PARVA: variants seen among roughly 807,000 people sequenced by gnomAD.
The protein encoded by PARVA is parvin alpha.
Under a neutral mutation model 52.6 loss-of-function variants are expected in PARVA, and 25 were observed. That is an observed-to-expected ratio of 0.48 (90% CI 0.35 to 0.66). The LOEUF (loss-of-function observed/expected upper bound fraction) is 0.66, where lower values mean the gene tolerates loss of function less well. Ranked by LOEUF, PARVA falls within the 30% of genes least tolerant of loss-of-function variation. PARVA has a pLI of 0.01. For synonymous variants in PARVA, 185 were observed against 179.1 expected (o/e 1.03, Z -0.26); for missense variants, 373 against 450.9 (o/e 0.83, Z 1.56).
intron 4 of PARVA, chr11:12,479,221 G>A (rs4536192): frequency 0.54 from 81,768 of 152,016 alleles, 22,911 homozygotes; most frequent in East Asian, 0.79. Flanking sequence ...CACCAGGGGA[G>A]ACCATTATTG....
chr11:12,490,073 G>A (rs139816412), intron 4 of PARVA, among the ~76,000 whole-genome samples: 3,595 of 152,098 alleles, frequency 0.024, 157 homozygotes, highest in African/African-American at 0.082. Flanking sequence ...AAAATTAGCC[G>A]GGTGTGGTGG....
At chr11:12,379,796 C>T (rs1247763903) in intron 1 of PARVA, among the ~76,000 whole-genome samples, 1 of 152,160 alleles carries the variant, frequency 6.6e-6, no homozygotes, top group Non-Finnish European at 1.5e-5. Context: ...TTTTGGTAAC[C>T]CATCGAGTAG....
rs1465353886 is a variant in PARVA, at chr11:12,531,536, C to T, written c.*3611C>T. Among the ~76,000 whole-genome samples the T allele has an allele frequency of 1.3e-5, 2 of 152,070 alleles. No individual in the cohort carries two copies. ...AATCCACTCCCCACAAATTATCACT[C>T]ATTTATTTTTCCACTGGAAAATAAG... On this transcript the variant is annotated 3_prime_UTR_variant, in exon 13 of 13. Transcript: ENST00000334956.
chr11:12,494,151 G>A (rs953579241), intron 4 of PARVA, among the ~76,000 whole-genome samples: 3 of 152,236 alleles, frequency 2.0e-5, no homozygotes, highest in African/African-American at 7.2e-5. Flanking sequence ...GAGAGGCACA[G>A]AGCTTCCATG....
chr11:12,456,864 C>T (rs1278295584), intron 1 of PARVA, among the ~76,000 whole-genome samples: 3 of 152,166 alleles, frequency 2.0e-5, no homozygotes, highest in South Asian at 2.1e-4. Context: ...CAGGACACAG[C>T]ACAGGGCCTG....
rs369807221 is a variant in PARVA, at chr11:12,530,500, G to A, written c.*2575G>A. The A allele has an allele frequency of 1.3e-5, 2 of 151,952 alleles. No individual in the cohort carries two copies. The highest frequency in any genetic ancestry group is 2.1e-4 in the South Asian group (1 of 4,818). 9.4% of individuals were successfully genotyped at this position (151,952 alleles called of 1,614,324 possible). On this transcript the variant is annotated 3_prime_UTR_variant, in exon 13 of 13. Transcript: ENST00000334956. Reference sequence around the variant, plus strand: ...ATTTTTAATGCTTAATACATACATGGTGCAAAATTTAAAAAGCGCAAATAG... The same window carrying A: ...ATTTTTAATGCTTAATACATACATGATGCAAAATTTAAAAAGCGCAAATAG...
chr11:12,417,264 A>G (rs1940079923), intron 1 of PARVA, among the ~76,000 whole-genome samples: 1 of 152,222 alleles, frequency 6.6e-6, no homozygotes, highest in Non-Finnish European at 1.5e-5. Flanking sequence ...AACTTGAAAT[A>G]AACTATAAGT....
intron 1 of PARVA, among the ~76,000 whole-genome samples, chr11:12,399,613 C>G (rs555603719): frequency 3.9e-4 from 59 of 152,350 alleles, no homozygotes; most frequent in African/African-American, 1.4e-3. Context: ...CTGTGTAGCA[C>G]TGACCTAGAT....
At chr11:12,465,602 A>G (rs1228337291) in intron 1 of PARVA, among the ~76,000 whole-genome samples, 2 of 152,210 alleles carry the variant, frequency 1.3e-5, no homozygotes, top group Middle Eastern at 3.2e-3. Context: ...AGAATGTCGT[A>G]TAATTAGAAT....
chr11:12,435,354 G>C (rs1335515560), intron 1 of PARVA, among the ~76,000 whole-genome samples: 2 of 152,118 alleles, frequency 1.3e-5, no homozygotes, highest in Non-Finnish European at 2.9e-5. Flanking sequence ...CCTGATTCCA[G>C]AACATGGGGA....
chr11:12,514,116 C>T (rs11022381), intron 10 of PARVA, 51 bp downstream of exon 10: 138,922 of 1,461,020 alleles, frequency 0.095, 8,463 homozygotes, highest in Admixed American at 0.27. Flanking sequence ...CCCTACAGCC[C>T]CTGTTCCAAG....
At chr11:12,427,970 G>A (rs1940261843) in intron 1 of PARVA, among the ~76,000 whole-genome samples, 1 of 152,232 alleles carries the variant, frequency 6.6e-6, no homozygotes, top group African/African-American at 2.4e-5. Flanking sequence ...GAGGGCAGCT[G>A]ACATTGCCCA....
chr11:12,503,374 G>T (rs1041342297), intron 5 of PARVA, among the ~76,000 whole-genome samples: 4 of 152,176 alleles, frequency 2.6e-5, no homozygotes, highest in Admixed American at 6.5e-5. Context: ...GGTTAAGTGG[G>T]AAGGGAGAGG....
Position 12,533,706 on chromosome 11 carries a change from A to C in PARVA, c.*5781A>C, listed in dbSNP as rs186520189. ...TTACCATACGGTAAGCTAGAGAAAA[A>C]ATGTTACTAAGAAAAACATAAGCAA... On this transcript the variant is annotated 3_prime_UTR_variant, in exon 13 of 13. Transcript: ENST00000334956. 2.6e-5 allele frequency among the ~76,000 whole-genome samples: 4 copies of C among 152,240 alleles called. No individual in the cohort carries two copies. The highest frequency in any genetic ancestry group is 1.3e-4 in the Admixed American group (2 of 15,300).
intron 1 of PARVA, among the ~76,000 whole-genome samples, chr11:12,428,977 G>A (rs921616558): frequency 2.0e-5 from 3 of 152,060 alleles, no homozygotes. Context: ...CAGGTTCAGA[G>A]TTTTTGTTTG....
In PARVA at chr11:12,473,927, C is replaced by T. The variant is rs758509655; in HGVS notation, c.241C>T (p.Arg81Ter). The change falls in exon 3 of 13, where the codon CGA (arginine) becomes TGA (stop). Residue 81 changes from arginine to a stop codon, truncating the protein, a stop_gained. Coordinates refer to ENST00000334956, the MANE Select transcript of PARVA (RefSeq NM_018222.5). LOFTEE classifies it high-confidence loss of function. ...EDTMLEENEV[R>*]TMVDPNSRSD... Reference sequence around the variant, plus strand: ...TCTTTTTAAAGAGGAGAATGAGGTGCGAACAATGGTGGATCCAAACTCACG... The same window carrying T: ...TCTTTTTAAAGAGGAGAATGAGGTGTGAACAATGGTGGATCCAAACTCACG... The T allele has an allele frequency of 1.2e-5, 19 of 1,580,520 alleles. No individual in the cohort carries two copies. Among genetic ancestry groups the T allele is most frequent in the Non-Finnish European group, 1.5e-5 (17 of 1,163,152 alleles).
At chr11:12,419,151 C>G (rs551239341) in intron 1 of PARVA, among the ~76,000 whole-genome samples, 28 of 152,104 alleles carry the variant, frequency 1.8e-4, no homozygotes, top group Non-Finnish European at 3.5e-4. Flanking sequence ...AACTTAAATT[C>G]TTAACCATTT....
rs746282503 is a variant in PARVA at position 12,517,600 on chromosome 11, C to G, written c.868-10C>G. 1 of 1,577,910 alleles carries G rather than the reference C, an allele frequency of 6.3e-7. No homozygotes were observed. The highest frequency in any genetic ancestry group is 8.6e-7 in the Non-Finnish European group (1 of 1,159,620). On this transcript the variant is annotated splice_polypyrimidine_tract_variant and intron_variant, in intron 10 of 12. Transcript: ENST00000334956. ...CAGGGGCCAGTGCCATCACCTGGCTCTTCCTCCAGTTTGCAGATGGGGTGT... is the reference window on the plus strand; with the variant it reads ...CAGGGGCCAGTGCCATCACCTGGCTGTTCCTCCAGTTTGCAGATGGGGTGT...
In PARVA at chr11:12,508,582, A is replaced by G; in HGVS notation, c.658-2A>G. 6.2e-7 allele frequency: 1 copy of G among 1,608,290 alleles called. No homozygotes were observed. The highest frequency in any genetic ancestry group is 8.5e-7 in the Non-Finnish European group (1 of 1,176,558). Reference sequence around the variant, plus strand: ...CAACCCCTTTCCCCACCCCCATTTCAGAAACGAGAAGGAATCCTCCAGTCT... The same window carrying G: ...CAACCCCTTTCCCCACCCCCATTTCGGAAACGAGAAGGAATCCTCCAGTCT... On this transcript the variant is annotated splice_acceptor_variant, in intron 6 of 12. Transcript: ENST00000334956. LOFTEE classifies it high-confidence loss of function.
Sources: gnomAD v4.1 joint callset for allele counts (sites outside exome capture counted in the v4.1 genomes callset) on GRCh38, gnomAD v4.1.1 for gene constraint, MANE v1.5 for transcripts, NCBI Gene and HGNC (gene_info 2026-07-23, HGNC 2026-07-21) for gene names.